Variants in NTM observed in about 807,000 individuals in gnomAD.
The protein encoded by NTM is IgLON family member 2.
NTM carries 13 observed loss-of-function variants against 42.1 expected under a neutral mutation model. That is an observed-to-expected ratio of 0.31 (90% CI 0.20 to 0.49). NTM has a LOEUF of 0.49. NTM is among the 20% of genes least tolerant of loss of function. The pLI is 0.99. For missense variants in NTM, 373 were observed against 452.8 expected (o/e 0.82, Z 1.60); for synonymous variants, 187 against 179.2 (o/e 1.04, Z -0.35).
chr11:132,222,759 C>T (rs894613218), intron 4 of NTM, among the ~76,000 whole-genome samples: 57 of 152,234 alleles, frequency 3.7e-4, no homozygotes, highest in African/African-American at 1.3e-3. Context: ...CTGCCCTCAC[C>T]CCCCACGCAC....
chr11:131,525,310 A>G (rs1361447350), intron 1 of NTM, among the ~76,000 whole-genome samples: 1 of 152,208 alleles, frequency 6.6e-6, no homozygotes, highest in East Asian at 1.9e-4. Flanking sequence ...GGCAATGCTT[A>G]TAATGCGCCG....
At chr11:132,309,262 T>G (rs2095203866) in intron 5 of NTM, among the ~76,000 whole-genome samples, 1 of 152,236 alleles carries the variant, frequency 6.6e-6, no homozygotes, top group Non-Finnish European at 1.5e-5. Context: ...AGACGTCAAA[T>G]GAATGCAAAC....
intron 2 of NTM, among the ~76,000 whole-genome samples, chr11:131,990,244 A>G (rs903977069): frequency 1.3e-5 from 2 of 152,146 alleles, no homozygotes; most frequent in Non-Finnish European, 2.9e-5. Flanking sequence ...TTTCTTCCTA[A>G]CCTCAATCGA....
intron 3 of NTM, among the ~76,000 whole-genome samples, chr11:132,162,105 TTG>T (rs2074410839): frequency 6.6e-6 from 1 of 151,896 alleles, no homozygotes; most frequent in Admixed American, 6.6e-5. Flanking sequence ...GAGTGTGTGT[TTG>T]TGAGAGGAGT....
Position 132,083,644 on chromosome 11 carries a change from A to G in NTM, c.168-62638A>G, listed in dbSNP as rs192410501. 8.6e-5 allele frequency among the ~76,000 whole-genome samples: 13 copies of G among 151,866 alleles called. No individual in the cohort carries two copies. The East Asian group carries it at 1.6e-3, about 18-fold the overall frequency. ...ACTGTGTAGACAAGGTATGAGGCCAATATCCCCAGGGGGCTTTTATTGGCT... is the reference window on the plus strand; with the variant it reads ...ACTGTGTAGACAAGGTATGAGGCCAGTATCCCCAGGGGGCTTTTATTGGCT... On this transcript the variant is annotated intron_variant, in intron 2 of 8. Transcript: ENST00000683400.
At chr11:131,751,888 A>T (rs1157057789) in intron 1 of NTM, among the ~76,000 whole-genome samples, 1 of 151,904 alleles carries the variant, frequency 6.6e-6, no homozygotes. Context: ...CATATCTGTG[A>T]CTTATATCTG....
intron 2 of NTM, among the ~76,000 whole-genome samples, chr11:131,976,963 C>G (rs2064482953): frequency 6.6e-6 from 1 of 152,178 alleles, no homozygotes; most frequent in Non-Finnish European, 1.5e-5. Context: ...TAGTACATGA[C>G]CACTAATCTT....
At chr11:131,969,982 C>T (rs1219818163) in intron 2 of NTM, among the ~76,000 whole-genome samples, 1 of 152,142 alleles carries the variant, frequency 6.6e-6, no homozygotes, top group African/African-American at 2.4e-5. Context: ...TGCCTGGCTA[C>T]TTTCTTTTTA....
Position 131,500,541 on chromosome 11 carries a change from TTA to T in NTM, c.82+129689_82+129690del, listed in dbSNP as rs200145436. On this transcript the variant is annotated intron_variant, in intron 1 of 8. Transcript: ENST00000683400. ...TTGCTTCAGACCCTATAGTTATTTA[TTA>T]TATATATATATATATATATATATAT... Among the ~76,000 whole-genome samples the T allele has an allele frequency of 9.2e-3, 597 of 65,042 alleles. 11 individuals are homozygous for T. The highest frequency in any genetic ancestry group is 0.047 in the South Asian group (63 of 1,334). The allele number at this position is 65,042 out of a possible 152,430, so 42.7% of individuals were successfully genotyped here. A position where few individuals can be genotyped will look rare whatever the true frequency, so the allele number is the denominator to read the frequency against.
chr11:132,317,150 C>T (rs779967086), intron 7 of NTM, among the ~76,000 whole-genome samples: 8 of 152,148 alleles, frequency 5.3e-5, no homozygotes, highest in East Asian at 1.9e-4. Flanking sequence ...AGCACCTGAT[C>T]GCTAAGGTGA....
chr11:131,943,236 T>C (rs967129023), intron 2 of NTM, among the ~76,000 whole-genome samples: 1 of 152,130 alleles, frequency 6.6e-6, no homozygotes. Flanking sequence ...CTAAGGAAGC[T>C]CTCTTGCTAC....
At chr11:132,006,029 T>G (rs2070691123) in intron 2 of NTM, among the ~76,000 whole-genome samples, 1 of 152,208 alleles carries the variant, frequency 6.6e-6, no homozygotes, top group African/African-American at 2.4e-5. Context: ...CATTATTATC[T>G]TGTCAGAAAT....
chr11:132,307,113 C>T lies in NTM; in HGVS notation c.527-576C>T, dbSNP rs199897718. On this transcript the variant is annotated intron_variant, in intron 4 of 8. Coordinates refer to ENST00000683400, the MANE Select transcript of NTM (RefSeq NM_001352005.2). ...CTTGTACCTAGGAGCTCTAGCAGATCGAAGTTTAGCACGTTGATTTCTGCC... is the reference window on the plus strand; with the variant it reads ...CTTGTACCTAGGAGCTCTAGCAGATTGAAGTTTAGCACGTTGATTTCTGCC... 7.2e-5 allele frequency among the ~76,000 whole-genome samples: 11 copies of T among 152,056 alleles called. No homozygotes were observed. The South Asian group carries it at 1.0e-3, about 14-fold the overall frequency.
chr11:131,789,529 AGAAGAAG>A, intron 1 of NTM, among the ~76,000 whole-genome samples: 1 of 27,960 alleles, frequency 3.6e-5, no homozygotes, highest in Admixed American at 4.7e-4. Context: ...AAGAAGAAGA[AGAAGAAG>A]AAGAAGAAGA....
At chr11:131,419,464 C>A (rs958751854) in intron 1 of NTM, among the ~76,000 whole-genome samples, 8 of 151,892 alleles carry the variant, frequency 5.3e-5, no homozygotes, top group Admixed American at 1.3e-4. Context: ...TAGGCTGAGG[C>A]CTGAAGGATA....
chr11:131,924,953 A>G (rs1231398135), intron 2 of NTM, among the ~76,000 whole-genome samples: 1 of 152,180 alleles, frequency 6.6e-6, no homozygotes, highest in Non-Finnish European at 1.5e-5. Flanking sequence ...ACTTTTGGTG[A>G]TTTTTGCATG....
intron 7 of NTM, among the ~76,000 whole-genome samples, chr11:132,320,065 A>G (rs1211424587): frequency 1.3e-5 from 2 of 152,222 alleles, no homozygotes; most frequent in African/African-American, 4.8e-5. Context: ...CCTGTCTGTT[A>G]CAAGGAAAAC....
chr11:132,007,283 C>G (rs1287807035), intron 2 of NTM, among the ~76,000 whole-genome samples: 3 of 152,136 alleles, frequency 2.0e-5, no homozygotes, highest in Admixed American at 2.0e-4. Flanking sequence ...GGTGAACATT[C>G]TACAGGGTAG....
chr11:132,008,627 T>G (rs940412677), intron 2 of NTM, among the ~76,000 whole-genome samples: 1 of 151,872 alleles, frequency 6.6e-6, no homozygotes, highest in South Asian at 2.1e-4. Flanking sequence ...TCTTATACCT[T>G]TCCTCCCTGG....
Sources: allele counts gnomAD v4.1 joint callset (sites outside exome capture counted in the v4.1 genomes callset), GRCh38; gene constraint gnomAD v4.1.1; transcripts MANE v1.5; gene names NCBI Gene and HGNC (gene_info 2026-07-23, HGNC 2026-07-21).